PPP6R3: variants seen among roughly 807,000 people sequenced by gnomAD.
PPP6R3 encodes the protein serine/threonine-protein phosphatase 6 regulatory subunit 3.
In PPP6R3, 38 loss-of-function variants were observed where a neutral mutation model predicts 110.7. The observed-to-expected ratio is 0.34, with a 90% CI of 0.26 to 0.45. PPP6R3 has a LOEUF of 0.45. Ranked by LOEUF, PPP6R3 falls within the 20% of genes least tolerant of loss-of-function variation. The probability of loss-of-function intolerance (pLI) is 1.00; values close to 1 mark genes in which losing one functional copy is unlikely to be tolerated. For synonymous variants in PPP6R3, 369 were observed against 373.5 expected (o/e 0.99, Z 0.14); for missense variants, 870 against 1,062.4 (o/e 0.82, Z 2.52).
rs151031484 is a variant in PPP6R3, at chr11:68,577,805, G to A, written c.1545+1762G>A. Among the ~76,000 whole-genome samples, 4 of 152,312 alleles carry A rather than the reference G, an allele frequency of 2.6e-5. No homozygotes were observed. The East Asian group carries it at 7.7e-4, about 29-fold the overall frequency. ...TTGGGCTCCATCTGTCACTCAGATTGCGTCTCGGTTCTTCTTTGCTTGCTC... is the reference window on the plus strand; with the variant it reads ...TTGGGCTCCATCTGTCACTCAGATTACGTCTCGGTTCTTCTTTGCTTGCTC... On this transcript the variant is annotated intron_variant, in intron 14 of 23. Transcript: ENST00000393800.
chr11:68,501,396 C>G (rs191450475), intron 1 of PPP6R3, among the ~76,000 whole-genome samples: 1 of 152,206 alleles, frequency 6.6e-6, no homozygotes, highest in Non-Finnish European at 1.5e-5. Context: ...GGCGGGATCT[C>G]GGCCAGTGCA....
intron 4 of PPP6R3, among the ~76,000 whole-genome samples, chr11:68,547,376 C>T (rs1277490031): frequency 6.6e-6 from 1 of 152,188 alleles, no homozygotes; most frequent in East Asian, 1.9e-4. Context: ...GAGGCAGAGG[C>T]AACAAGGCTG....
intron 9 of PPP6R3, among the ~76,000 whole-genome samples, chr11:68,565,169 A>T (rs2099456429): frequency 6.6e-6 from 1 of 151,588 alleles, no homozygotes; most frequent in African/African-American, 2.4e-5. Context: ...GGGAATTTAG[A>T]ATACTAGTTT....
In PPP6R3 at chr11:68,596,234, C is replaced by T. The variant is rs763992411; in HGVS notation, c.2038+16C>T. ...CTGAGTGAACGTAAGTGGATTCATT[C>T]TTCAGATCAGCTGCCCTGTGTTGGA... is the stretch of plus-strand genomic sequence containing the variant. On this transcript the variant is annotated intron_variant, in intron 19 of 23. Transcript: ENST00000393800. 3 of 1,614,108 alleles carry T rather than the reference C, an allele frequency of 1.9e-6. No individual in the cohort carries two copies. The highest frequency in any genetic ancestry group is 2.5e-6 in the Non-Finnish European group (3 of 1,179,980).
Position 68,513,167 on chromosome 11 carries a change from C to A in PPP6R3, c.-157-6334C>A, listed in dbSNP as rs904744871. On this transcript the variant is annotated intron_variant, in intron 1 of 23. Transcript: ENST00000393800. Reference sequence around the variant, plus strand: ...GGATTGAACCTCGTTACCGGCATCCCGGGGGTCTTCAGCTTGCCTGTCATG... The same window carrying A: ...GGATTGAACCTCGTTACCGGCATCCAGGGGGTCTTCAGCTTGCCTGTCATG... Among the ~76,000 whole-genome samples the A allele has an allele frequency of 2.0e-5, 3 of 152,014 alleles. No individual in the cohort carries two copies. The South Asian group carries it at 6.2e-4, about 32-fold the overall frequency.
intron 1 of PPP6R3, among the ~76,000 whole-genome samples, chr11:68,489,634 G>A (rs1254324008): frequency 4.0e-5 from 6 of 151,182 alleles, no homozygotes; most frequent in Admixed American, 6.6e-5. Flanking sequence ...GGGTATCAGC[G>A]CCATTTTTCC....
intron 22 of PPP6R3, 62 bp from the exon 23 acceptor site, chr11:68,609,842 C>G: frequency 1.2e-6 from 2 of 1,607,096 alleles, no homozygotes; most frequent in Non-Finnish European, 1.7e-6. Context: ...TGACCTCATC[C>G]TCTGGTGCCT....
chr11:68,572,346 T>A (rs1459953239), intron 12 of PPP6R3, among the ~76,000 whole-genome samples: 1 of 152,178 alleles, frequency 6.6e-6, no homozygotes, highest in African/African-American at 2.4e-5. Context: ...CCATTCCCTC[T>A]GTCTAGGGGG....
At chr11:68,605,985 G>C (rs1215250585) in intron 22 of PPP6R3, among the ~76,000 whole-genome samples, 1 of 152,158 alleles carries the variant, frequency 6.6e-6, no homozygotes, top group Non-Finnish European at 1.5e-5. Flanking sequence ...ACCAGATAAA[G>C]ATAATTACAG....
chr11:68,559,555 A>G (rs1445554549), intron 8 of PPP6R3, among the ~76,000 whole-genome samples: 1 of 152,210 alleles, frequency 6.6e-6, no homozygotes, highest in East Asian at 1.9e-4. Flanking sequence ...TTTGGTTTCT[A>G]GCAAAATAGT....
intron 2 of PPP6R3, among the ~76,000 whole-genome samples, chr11:68,520,175 G>T (rs777651812): frequency 6.6e-6 from 1 of 152,192 alleles, no homozygotes; most frequent in Non-Finnish European, 1.5e-5. Context: ...TAGAAGTGGC[G>T]CAGTAGGTCC....
At chr11:68,484,048 T>C (rs2153397766) in intron 1 of PPP6R3, among the ~76,000 whole-genome samples, 1 of 152,378 alleles carries the variant, frequency 6.6e-6, no homozygotes, top group African/African-American at 2.4e-5. Context: ...CATGGCTTGA[T>C]AGCTCATTCC....
At chr11:68,587,584 A>C (rs570241181) in intron 15 of PPP6R3, 21 of 359,106 alleles carry the variant, frequency 5.8e-5, no homozygotes, top group African/African-American at 4.4e-4. Flanking sequence ...GAGGTGACTG[A>C]TACACCTTAT....
chr11:68,602,049 G>A, intron 21 of PPP6R3, 80 bp downstream of exon 21: 1 of 1,137,684 alleles, frequency 8.8e-7, no homozygotes, highest in South Asian at 1.5e-5. Flanking sequence ...AGGCTCAGGG[G>A]CTAGTGGAGC....
intron 6 of PPP6R3, among the ~76,000 whole-genome samples, chr11:68,552,788 C>T (rs1325486386): frequency 6.6e-6 from 1 of 152,148 alleles, no homozygotes; most frequent in East Asian, 1.9e-4. Context: ...CTTGATTGCT[C>T]AATGGGCTAG....
chr11:68,501,964 A>G (rs752383026), intron 1 of PPP6R3, among the ~76,000 whole-genome samples: 6 of 152,234 alleles, frequency 3.9e-5, no homozygotes, highest in African/African-American at 1.4e-4. Context: ...CATCAGTGTT[A>G]TAATGGAATG....
At chr11:68,480,248 G>T (rs566366724) in intron 1 of PPP6R3, among the ~76,000 whole-genome samples, 21 of 152,262 alleles carry the variant, frequency 1.4e-4, no homozygotes, top group African/African-American at 5.1e-4. Context: ...GTTTCTTTCT[G>T]AAAACTTATT....
chr11:68,491,332 G>C lies in PPP6R3; in HGVS notation c.-157-28169G>C, dbSNP rs890143405. ...AAGGTTGTTAAGTGTCTTCAGCTGTGTGTGTGTGTGTGTGTGTGTGTGTGT... is the reference window on the plus strand; with the variant it reads ...AAGGTTGTTAAGTGTCTTCAGCTGTCTGTGTGTGTGTGTGTGTGTGTGTGT... On this transcript the variant is annotated intron_variant, in intron 1 of 23. Coordinates refer to ENST00000393800, the MANE Select transcript of PPP6R3 (RefSeq NM_001164161.2). Among the ~76,000 whole-genome samples, 12 of 60,268 alleles carry C rather than the reference G, an allele frequency of 2.0e-4. No homozygotes were observed. In the East Asian group the frequency reaches 2.3e-3, roughly 12 times the overall value. The allele number at this position is 60,268 out of a possible 152,430, so 39.5% of individuals were successfully genotyped here.
At chr11:68,572,329 G>C (rs2099510611) in intron 12 of PPP6R3, among the ~76,000 whole-genome samples, 1 of 152,142 alleles carries the variant, frequency 6.6e-6, no homozygotes, top group Admixed American at 6.5e-5. Context: ...TGGAGGCCTG[G>C]TGAATACCAT....
Sources: allele counts gnomAD v4.1 joint callset (sites outside exome capture counted in the v4.1 genomes callset), GRCh38; gene constraint gnomAD v4.1.1; transcripts MANE v1.5; gene names NCBI Gene and HGNC (gene_info 2026-07-23, HGNC 2026-07-21).